Variants in HS3ST4 observed in about 807,000 individuals in gnomAD.
HS3ST4 encodes heparan sulfate glucosamine 3-O-sulfotransferase 4.
Under a neutral mutation model 29.2 loss-of-function variants are expected in HS3ST4, and 17 were observed. The observed-to-expected ratio is 0.58, with a 90% confidence interval of 0.40 to 0.87. HS3ST4 has a LOEUF of 0.87. Ranked by LOEUF, HS3ST4 falls within the 40% of genes least tolerant of loss-of-function variation. HS3ST4 has a pLI of 0.00. For missense variants in HS3ST4, 627 were observed against 634.5 expected (o/e 0.99, Z 0.13); for synonymous variants, 314 against 285.7 (o/e 1.10, Z -1.00).
At chr16:26,115,914 T>C (rs1259715431) in intron 1 of HS3ST4, among the ~76,000 whole-genome samples, 4 of 152,218 alleles carry the variant, frequency 2.6e-5, no homozygotes, top group Non-Finnish European at 5.9e-5. Context: ...AGTATTATCA[T>C]TCCCTTATTT....
At chr16:25,710,358 A>T (rs775013012) in intron 1 of HS3ST4, among the ~76,000 whole-genome samples, 18 of 152,162 alleles carry the variant, frequency 1.2e-4, no homozygotes, top group Non-Finnish European at 2.6e-4. Flanking sequence ...TCCTGGGGGA[A>T]CCTGAGGACC....
chr16:25,962,087 G>A (rs980682843), intron 1 of HS3ST4, among the ~76,000 whole-genome samples: 2 of 152,196 alleles, frequency 1.3e-5, no homozygotes, highest in Admixed American at 6.5e-5. Context: ...GGAAATTGCA[G>A]ACAAGTAGGC....
At chr16:25,854,311 C>T (rs189039725) in intron 1 of HS3ST4, among the ~76,000 whole-genome samples, 295 of 152,262 alleles carry the variant, frequency 1.9e-3, no homozygotes, top group African/African-American at 6.5e-3. Context: ...TATAGAGTAA[C>T]TTCCTGACAT....
intron 1 of HS3ST4, among the ~76,000 whole-genome samples, chr16:25,880,513 C>T (rs1045671255): frequency 3.9e-5 from 6 of 152,160 alleles, no homozygotes; most frequent in African/African-American, 1.4e-4. Context: ...TACTTTCCTC[C>T]CAGCACACTG....
At chr16:25,853,037 G>A (rs1490114482) in intron 1 of HS3ST4, among the ~76,000 whole-genome samples, 4 of 117,596 alleles carry the variant, frequency 3.4e-5, no homozygotes, top group Non-Finnish European at 7.7e-5. Context: ...CTCAACACTT[G>A]TAAAATTACT....
At chr16:25,974,374 C>T (rs73521540) in intron 1 of HS3ST4, among the ~76,000 whole-genome samples, 2,305 of 152,248 alleles carry the variant, frequency 0.015, 62 homozygotes, top group African/African-American at 0.053. Flanking sequence ...GGTGCTAAGC[C>T]GCTTAGCCAT....
intron 1 of HS3ST4, among the ~76,000 whole-genome samples, chr16:26,085,608 C>A (rs1054659402): frequency 2.0e-5 from 3 of 152,100 alleles, no homozygotes; most frequent in Admixed American, 1.3e-4. Context: ...CAGTGGCTCA[C>A]GCCTATAATC....
At chr16:25,847,511 A>G (rs1432851538) in intron 1 of HS3ST4, among the ~76,000 whole-genome samples, 2 of 152,208 alleles carry the variant, frequency 1.3e-5, no homozygotes, top group East Asian at 1.9e-4. Context: ...TGCAATGTCT[A>G]GAATATCTAA....
intron 1 of HS3ST4, among the ~76,000 whole-genome samples, chr16:25,860,138 A>G (rs1435617212): frequency 6.6e-6 from 1 of 152,172 alleles, no homozygotes; most frequent in African/African-American, 2.4e-5. Flanking sequence ...TCACGAAACC[A>G]ATCCCTGGTG....
At chr16:25,876,696 A>T (rs114993427) in intron 1 of HS3ST4, among the ~76,000 whole-genome samples, 2,961 of 152,116 alleles carry the variant, frequency 0.019, 89 homozygotes, top group African/African-American at 0.068. Flanking sequence ...TGGTCTCGTA[A>T]AGGAAATTTT....
intron 1 of HS3ST4, among the ~76,000 whole-genome samples, chr16:25,697,319 A>C (rs1337275454): frequency 1.3e-5 from 2 of 152,148 alleles, no homozygotes; most frequent in African/African-American, 4.8e-5. Flanking sequence ...AAAGTAATGG[A>C]TGGCCCAGAG....
rs560115639 is a variant in HS3ST4 at position 25,992,673 on chromosome 16, G to A, written c.735-142939G>A. 6.6e-5 allele frequency among the ~76,000 whole-genome samples: 10 copies of A among 152,378 alleles called. No individual in the cohort carries two copies. In the East Asian group the frequency reaches 1.9e-3, roughly 29 times the overall value. On this transcript the variant is annotated intron_variant, in intron 1 of 1. Transcript: ENST00000331351. ...TCTTCTGACAGTGCCACCTGTGGGT[G>A]CCACGTTGAAGGCAAAGCCCCTTGG... is the stretch of plus-strand genomic sequence containing the variant.
chr16:25,711,615 G>A (rs1179059656), intron 1 of HS3ST4, among the ~76,000 whole-genome samples: 1 of 152,040 alleles, frequency 6.6e-6, no homozygotes, highest in African/African-American at 2.4e-5. Context: ...TCCCAAAATT[G>A]ACTACTGCCT....
intron 1 of HS3ST4, among the ~76,000 whole-genome samples, chr16:25,804,424 C>T (rs995328729): frequency 7.2e-5 from 11 of 152,256 alleles, no homozygotes; most frequent in Middle Eastern, 3.4e-3. Context: ...TTCTTCGTTT[C>T]CTTGAATTAA....
At chr16:25,717,567 G>A (rs1261922183) in intron 1 of HS3ST4, among the ~76,000 whole-genome samples, 2 of 147,780 alleles carry the variant, frequency 1.4e-5, no homozygotes, top group African/African-American at 5.0e-5. Context: ...GGCAATCCAA[G>A]CAGAGGAAAT....
chr16:26,102,688 T>C (rs895893027), intron 1 of HS3ST4, among the ~76,000 whole-genome samples: 1 of 152,220 alleles, frequency 6.6e-6, no homozygotes, highest in Non-Finnish European at 1.5e-5. Context: ...TTACTTTCTC[T>C]GGGTTTTAGC....
intron 1 of HS3ST4, among the ~76,000 whole-genome samples, chr16:26,129,476 A>G (rs925132424): frequency 2.6e-5 from 4 of 152,280 alleles, no homozygotes; most frequent in East Asian, 3.9e-4. Context: ...CAGTTTCCTG[A>G]TCCGTAAAGT....
intron 1 of HS3ST4, among the ~76,000 whole-genome samples, chr16:25,892,914 T>C (rs1405334380): frequency 2.0e-5 from 3 of 152,076 alleles, no homozygotes; most frequent in Non-Finnish European, 2.9e-5. Flanking sequence ...AGGGAGAAGA[T>C]AGAATAAATA....
At chr16:25,737,123 A>G (rs1966614996) in intron 1 of HS3ST4, among the ~76,000 whole-genome samples, 1 of 152,198 alleles carries the variant, frequency 6.6e-6, no homozygotes, top group Non-Finnish European at 1.5e-5. Context: ...TTGGATAAAG[A>G]AAATGCGGTG....
Sources: gnomAD v4.1 joint callset for allele counts (sites outside exome capture counted in the v4.1 genomes callset) on GRCh38, gnomAD v4.1.1 for gene constraint, MANE v1.5 for transcripts, NCBI Gene and HGNC (gene_info 2026-07-23, HGNC 2026-07-21) for gene names.